Variants in NALF1 observed in about 807,000 individuals in gnomAD.
NALF1 encodes family with sequence similarity 155 member A.
In NALF1, 3 loss-of-function variants were observed where a neutral mutation model predicts 48.4. The observed-to-expected ratio is 0.06, with a 90% CI of 0.03 to 0.16. NALF1 has a LOEUF of 0.16. NALF1 is among the 10% of genes least tolerant of loss of function. The pLI is 1.00. For synonymous variants in NALF1, 262 were observed against 245.7 expected, an observed-to-expected ratio of 1.07 and a Z score of -0.62; for missense variants, 526 against 571.5, an observed-to-expected ratio of 0.92 and a Z score of 0.81.
At chr13:107,468,442 C>A (rs1885044028) in intron 1 of NALF1, among the ~76,000 whole-genome samples, 2 of 152,164 alleles carry the variant, frequency 1.3e-5, no homozygotes, top group Non-Finnish European at 2.9e-5. Context: ...GGAAGGCTGA[C>A]CACCCACTGC....
At chr13:107,775,560 G>A (rs185916037) in intron 1 of NALF1, among the ~76,000 whole-genome samples, 1 of 151,078 alleles carries the variant, frequency 6.6e-6, no homozygotes, top group Non-Finnish European at 1.5e-5. Flanking sequence ...TAGTCCTTTG[G>A]GTATATACCC....
At chr13:107,705,858 C>G (rs551019035) in intron 1 of NALF1, among the ~76,000 whole-genome samples, 7 of 151,418 alleles carry the variant, frequency 4.6e-5, no homozygotes, top group Non-Finnish European at 1.0e-4. Flanking sequence ...TTTTCATTGA[C>G]AGCTTATATT....
At chr13:107,535,244 C>T (rs4580017) in intron 1 of NALF1, among the ~76,000 whole-genome samples, 117,365 of 151,992 alleles carry the variant, frequency 0.77, 46,664 homozygotes, top group South Asian at 0.9. Context: ...AGAGAGGGCA[C>T]CCCTGTCTTG....
chr13:107,288,218 A>ATTTT, intron 1 of NALF1, among the ~76,000 whole-genome samples: 1 of 115,802 alleles, frequency 8.6e-6, no homozygotes, highest in Non-Finnish European at 1.8e-5. Context: ...TGATCTGAAG[A>ATTTT]CTTTTTTTTT....
chr13:107,204,865 C>T (rs1021472852), intron 2 of NALF1, among the ~76,000 whole-genome samples: 5 of 151,492 alleles, frequency 3.3e-5, no homozygotes, highest in Admixed American at 2.6e-4. Context: ...GAAAAAAAAA[C>T]CTGATTTTAA....
intron 1 of NALF1, among the ~76,000 whole-genome samples, chr13:107,309,480 AG>A (rs1206737541): frequency 7.2e-5 from 11 of 152,218 alleles, no homozygotes; most frequent in Non-Finnish European, 1.5e-4. Context: ...TACACAGGCA[AG>A]AAAAGTCAGA....
chr13:107,515,719 A>G (rs1566373346), intron 1 of NALF1, among the ~76,000 whole-genome samples: 1 of 152,170 alleles, frequency 6.6e-6, no homozygotes, highest in African/African-American at 2.4e-5. Context: ...CCTGTACATT[A>G]CGTTTCCCAC....
intron 1 of NALF1, among the ~76,000 whole-genome samples, chr13:107,212,679 G>A (rs1241305650): frequency 7.9e-5 from 12 of 152,172 alleles, no homozygotes; most frequent in Admixed American, 4.6e-4. Context: ...GACATGATAC[G>A]TAATATGACA....
chr13:107,380,772 A>G (rs1883421707), intron 1 of NALF1, among the ~76,000 whole-genome samples: 1 of 151,862 alleles, frequency 6.6e-6, no homozygotes, highest in Non-Finnish European at 1.5e-5. Context: ...AGGTCAGGAG[A>G]TCGAGACCAT....
chr13:107,691,792 A>C (rs188660203), intron 1 of NALF1, among the ~76,000 whole-genome samples: 15 of 152,364 alleles, frequency 9.8e-5, no homozygotes, highest in Middle Eastern at 3.4e-3. Flanking sequence ...GTACAAAAAT[A>C]ACAAAAAGAG....
intron 1 of NALF1, among the ~76,000 whole-genome samples, chr13:107,659,197 G>C (rs944790253): frequency 6.6e-6 from 1 of 151,518 alleles, no homozygotes; most frequent in East Asian, 1.9e-4. Context: ...AGAATCCACT[G>C]AAGTGTCACG....
intron 1 of NALF1, among the ~76,000 whole-genome samples, chr13:107,234,726 A>C (rs1224209639): frequency 6.6e-6 from 1 of 152,134 alleles, no homozygotes; most frequent in Non-Finnish European, 1.5e-5. Context: ...CAAAACAAAC[A>C]AAACAAAAAA....
chr13:107,276,271 T>C (rs895125547), intron 1 of NALF1, among the ~76,000 whole-genome samples: 1 of 152,144 alleles, frequency 6.6e-6, no homozygotes, highest in East Asian at 1.9e-4. Context: ...TCAATTACAT[T>C]TTCTGATGTC....
intron 1 of NALF1, among the ~76,000 whole-genome samples, chr13:107,813,019 G>C (rs1179126361): frequency 2.6e-5 from 4 of 152,068 alleles, no homozygotes; most frequent in Non-Finnish European, 4.4e-5. Flanking sequence ...GCCTCCCAAA[G>C]TGCTGGGATT....
chr13:107,836,313 C>T (rs1356857328), intron 1 of NALF1, among the ~76,000 whole-genome samples: 1 of 152,074 alleles, frequency 6.6e-6, no homozygotes, highest in East Asian at 1.9e-4. Flanking sequence ...AAACATAATA[C>T]ACAGGTGATT....
chr13:107,788,204 CCTT>C (rs746467136), intron 1 of NALF1: 5 of 152,138 alleles, frequency 3.3e-5, no homozygotes, highest in East Asian at 1.9e-4. Context: ...AGCTTATCCT[CCTT>C]GTTTTTCAAC....
intron 1 of NALF1, among the ~76,000 whole-genome samples, chr13:107,679,102 C>A (rs1330894706): frequency 6.6e-6 from 1 of 152,050 alleles, no homozygotes; most frequent in Non-Finnish European, 1.5e-5. Context: ...TCTCTCTAGG[C>A]CCATATATTT....
intron 1 of NALF1, among the ~76,000 whole-genome samples, chr13:107,361,441 A>G (rs1397035356): frequency 6.6e-6 from 1 of 152,188 alleles, no homozygotes; most frequent in Non-Finnish European, 1.5e-5. Flanking sequence ...CACGCGGTAA[A>G]ATATGTGGAG....
chr13:107,551,683 A>T (rs924089091), intron 1 of NALF1, among the ~76,000 whole-genome samples: 10 of 152,138 alleles, frequency 6.6e-5, no homozygotes, highest in African/African-American at 2.4e-4. Context: ...TTTCAAAATC[A>T]TGAAATATGT....
Sources: allele counts gnomAD v4.1 joint callset (sites outside exome capture counted in the v4.1 genomes callset), GRCh38; gene constraint gnomAD v4.1.1; transcripts MANE v1.5; gene names NCBI Gene and HGNC (gene_info 2026-07-23, HGNC 2026-07-21).